COL11A1: variants seen among roughly 807,000 people sequenced by gnomAD.
COL11A1 encodes the protein collagen alpha-1(XI) chain.
Under a neutral mutation model 265.2 loss-of-function variants are expected in COL11A1, and 74 were observed. The ratio of observed to expected loss-of-function variants is 0.28; its 90% CI spans 0.23 to 0.34. The LOEUF (loss-of-function observed/expected upper bound fraction) is 0.34, where lower values mean the gene tolerates loss of function less well. Ranked by LOEUF, COL11A1 falls within the 10% of genes least tolerant of loss-of-function variation. COL11A1 has a pLI of 1.00. For missense variants in COL11A1, 2,165 were observed against 2,263.6 expected, an observed-to-expected ratio of 0.96 and a Z score of 0.88; for synonymous variants, 816 against 727.6, an observed-to-expected ratio of 1.12 and a Z score of -1.96.
intron 4 of COL11A1, among the ~76,000 whole-genome samples, chr1:103,041,068 G>A (rs925526378): frequency 4.0e-5 from 6 of 151,776 alleles, no homozygotes; most frequent in African/African-American, 1.4e-4. Context: ...AGACTCAAAA[G>A]ACAAGTTCAT....
At chr1:103,081,552 G>A (rs929651565) in intron 2 of COL11A1, among the ~76,000 whole-genome samples, 7 of 151,636 alleles carry the variant, frequency 4.6e-5, no homozygotes, top group East Asian at 3.9e-4. Flanking sequence ...TCACCACAAA[G>A]TATTGCAAAA....
Position 102,914,732 on chromosome 1 carries a change from G to C in COL11A1, c.3896C>G (p.Pro1299Arg), listed in dbSNP as rs762819669. The stretch of plus-strand genomic sequence containing the variant: ...GTTACCCTTAGGGCCATCATCACCT[G>C]GTGGCCCCTTGGCACCTGGAGGTCC... Reference protein sequence around the residue: ...AAGPPGAKGPPGDDGPKGNPG... With the variant: ...AAGPPGAKGPRGDDGPKGNPG... The change falls in exon 51 of 67, where the codon CCA becomes CGA. Residue 1299 changes from proline to arginine, a missense_variant. Transcript: ENST00000370096. 8 of 1,613,118 alleles carry C rather than the reference G, an allele frequency of 5.0e-6. No individual in the cohort carries two copies. In the South Asian group the frequency reaches 6.6e-5, roughly 13 times the overall value.
chr1:102,902,498 T>C (rs1275406029), intron 54 of COL11A1, among the ~76,000 whole-genome samples: 1 of 152,068 alleles, frequency 6.6e-6, no homozygotes. Flanking sequence ...ACATTAATAT[T>C]TAAAATAGCT....
At chr1:102,914,039 A>C (rs1355899461) in intron 52 of COL11A1, among the ~76,000 whole-genome samples, 1 of 152,186 alleles carries the variant, frequency 6.6e-6, no homozygotes, top group Non-Finnish European at 1.5e-5. Context: ...GAAACAGAAA[A>C]GCAAAGATCC....
intron 41 of COL11A1, among the ~76,000 whole-genome samples, chr1:102,949,023 A>G (rs1659602878): frequency 6.6e-6 from 1 of 152,086 alleles, no homozygotes; most frequent in Non-Finnish European, 1.5e-5. Flanking sequence ...AGCAAGGTCT[A>G]TGAATTGAGA....
intron 65 of COL11A1, 63 bp from the exon 66 acceptor site, chr1:102,879,979 T>A: frequency 9.2e-7 from 1 of 1,082,588 alleles, no homozygotes; most frequent in Non-Finnish European, 1.4e-6. Context: ...TACAAAGAAT[T>A]AAATCACTGC....
intron 57 of COL11A1, among the ~76,000 whole-genome samples, chr1:102,894,303 G>A (rs1228824491): frequency 6.6e-6 from 1 of 152,148 alleles, no homozygotes; most frequent in Non-Finnish European, 1.5e-5. Flanking sequence ...GGAGACAGAG[G>A]TGGATGGATC....
At chr1:102,967,471 A>T (rs1335212027) in intron 37 of COL11A1, among the ~76,000 whole-genome samples, 1 of 151,750 alleles carries the variant, frequency 6.6e-6, no homozygotes, top group Non-Finnish European at 1.5e-5. Flanking sequence ...CGATCTCCTG[A>T]CTTCGTGATC....
chr1:103,106,611 T>A (rs532930644), intron 1 of COL11A1, among the ~76,000 whole-genome samples: 1 of 152,308 alleles, frequency 6.6e-6, no homozygotes, highest in South Asian at 2.1e-4. Context: ...AAGACACTCT[T>A]ATCTATCCTT....
intron 4 of COL11A1, among the ~76,000 whole-genome samples, chr1:103,036,580 C>T (rs1668389302): frequency 6.6e-6 from 1 of 151,366 alleles, no homozygotes; most frequent in Admixed American, 6.6e-5. Flanking sequence ...TAGAAAGAAA[C>T]TGGAAAAATT....
intron 1 of COL11A1, among the ~76,000 whole-genome samples, chr1:103,107,078 G>A (rs1228247511): frequency 2.0e-5 from 3 of 152,122 alleles, no homozygotes; most frequent in African/African-American, 7.2e-5. Context: ...GGCACCTAAC[G>A]GACCGCTCCA....
At chr1:103,038,952 CAG>C (rs1668597479) in intron 4 of COL11A1, among the ~76,000 whole-genome samples, 1 of 152,108 alleles carries the variant, frequency 6.6e-6, no homozygotes, top group Non-Finnish European at 1.5e-5. Flanking sequence ...AAAGTGTTAA[CAG>C]AGGAACGTAG....
At chr1:103,054,571 TTTG>T (rs906918781) in intron 4 of COL11A1, among the ~76,000 whole-genome samples, 21 of 151,962 alleles carry the variant, frequency 1.4e-4, no homozygotes, top group South Asian at 4.2e-4. Flanking sequence ...AAAAGGGTGT[TTTG>T]TTGTTGTTGT....
chr1:102,879,570 G>C, intron 66 of COL11A1, 113 bp downstream of exon 66: 1 of 882,092 alleles, frequency 1.1e-6, no homozygotes, highest in Admixed American at 1.9e-5. Flanking sequence ...AGCAACAAAT[G>C]TTAATAACAA....
Position 102,921,529 on chromosome 1 carries a change from T to C in COL11A1, c.3697A>G (p.Asn1233Asp), listed in dbSNP as rs1196261195. Residue 1233 changes from asparagine (N) to aspartate (D), a missense_variant, in exon 48 of 67, where the codon AAT becomes GAT. Coordinates refer to ENST00000370096, the MANE Select transcript of COL11A1 (RefSeq NM_001854.4). Reference sequence around the variant, plus strand: ...TTCAGAGTTCTTACATCAGCTCCATTGGGACCTTGAGGGCCTCTTGGGCCT... The same window carrying C: ...TTCAGAGTTCTTACATCAGCTCCATCGGGACCTTGAGGGCCTCTTGGGCCT... Reference protein sequence around the residue: ...PPGPRGPQGPNGADGPQGPPG... With the variant: ...PPGPRGPQGPDGADGPQGPPG... 1 of 1,613,208 alleles carries C rather than the reference T, an allele frequency of 6.2e-7. No individual in the cohort carries two copies. Among genetic ancestry groups the C allele is most frequent in the Non-Finnish European group, 8.5e-7 (1 of 1,179,440 alleles).
At chr1:102,923,509 A>C in intron 46 of COL11A1, 120 bp from the exon 47 acceptor site, 1 of 747,176 alleles carries the variant, frequency 1.3e-6, no homozygotes, top group South Asian at 1.7e-5. Flanking sequence ...ATTAAGATTC[A>C]GATACTAACA....
At chr1:102,914,510 A>C in intron 51 of COL11A1, 105 bp from the exon 52 acceptor site, 3 of 1,173,244 alleles carry the variant, frequency 2.6e-6, no homozygotes, top group Non-Finnish European at 3.7e-6. Flanking sequence ...AAACCTGCTG[A>C]GAATATTTCT....
intron 49 of COL11A1, among the ~76,000 whole-genome samples, chr1:102,918,107 T>C (rs143243857): frequency 0.032 from 4,890 of 151,608 alleles, 102 homozygotes; most frequent in Middle Eastern, 0.064. Flanking sequence ...CTACAAACTA[T>C]TCATTCTGAA....
Position 102,914,777 on chromosome 1 carries a change from G to C in COL11A1, c.3851C>G (p.Ala1284Gly). The C allele has an allele frequency of 6.2e-7, 1 of 1,611,904 alleles. No individual in the cohort carries two copies. The highest frequency in any genetic ancestry group is 8.5e-7 in the Non-Finnish European group (1 of 1,179,654). ...AGGTCCAGCAGCTCCAGGTGGACCA[G>C]CTTCCCCTTTCTCTCCTCTTTCTCC... ...PKGERGEKGEAGPPGAAGPPG... is the reference protein window; with the variant it reads ...PKGERGEKGEGGPPGAAGPPG... Residue 1284 changes from alanine to glycine, a missense_variant, in exon 51 of 67, where the codon GCT becomes GGT. Coordinates refer to ENST00000370096, the MANE Select transcript of COL11A1 (RefSeq NM_001854.4).
Sources: gnomAD v4.1 joint callset for allele counts (sites outside exome capture counted in the v4.1 genomes callset) on GRCh38, gnomAD v4.1.1 for gene constraint, MANE v1.5 for transcripts, NCBI Gene and HGNC (gene_info 2026-07-23, HGNC 2026-07-21) for gene names.